NALF1: variants seen among roughly 807,000 people sequenced by gnomAD.
NALF1 encodes NALCN channel auxiliary factor 1.
Under a neutral mutation model 48.4 loss-of-function variants are expected in NALF1, and 3 were observed. The ratio of observed to expected loss-of-function variants is 0.06; its 90% CI spans 0.03 to 0.16. The LOEUF is 0.16. Among genes scored for constraint, NALF1 ranks in the 10% least tolerant of loss-of-function variants. The probability of loss-of-function intolerance (pLI) is 1.00; values close to 1 mark genes in which losing one functional copy is unlikely to be tolerated. For missense variants in NALF1, 526 were observed against 571.5 expected (o/e 0.92, Z 0.81); for synonymous variants, 262 against 245.7 (o/e 1.07, Z -0.62).
chr13:107,653,483 A>AT (rs5806674), intron 1 of NALF1, among the ~76,000 whole-genome samples: 2 of 151,108 alleles, frequency 1.3e-5, no homozygotes, highest in African/African-American at 4.8e-5. Flanking sequence ...GCAGAGAGGT[A>AT]TTTTTTTTTT....
intron 1 of NALF1, among the ~76,000 whole-genome samples, chr13:107,257,920 A>C (rs1009007741): frequency 6.6e-6 from 1 of 152,232 alleles, no homozygotes; most frequent in Non-Finnish European, 1.5e-5. Flanking sequence ...CTTCGCTAGA[A>C]GTATTTAGCA....
intron 1 of NALF1, among the ~76,000 whole-genome samples, chr13:107,544,499 T>A (rs1000111305): frequency 6.6e-6 from 1 of 152,162 alleles, no homozygotes; most frequent in African/African-American, 2.4e-5. Context: ...AATAGAAGCA[T>A]GAGCAATTTC....
intron 1 of NALF1, among the ~76,000 whole-genome samples, chr13:107,774,468 T>C (rs534720401): frequency 6.6e-6 from 1 of 152,340 alleles, no homozygotes; most frequent in East Asian, 1.9e-4. Context: ...AGATAGTATA[T>C]GTTCCGTTAT....
At position 107,272,247 on chromosome 13, in the gene NALF1, G is replaced by A. The variant is rs1162476745; in HGVS notation, c.916-61492C>T. Among the ~76,000 whole-genome samples, 10 of 10,320 alleles carry A rather than the reference G, an allele frequency of 9.7e-4. 4 individuals are homozygous for A. The highest frequency in any genetic ancestry group is 7.1e-3 in the East Asian group (2 of 282). The allele number at this position is 10,320 out of a possible 152,430, so 6.8% of individuals were successfully genotyped here. On this transcript the variant is annotated intron_variant, in intron 1 of 2. Coordinates refer to ENST00000375915, the MANE Select transcript of NALF1 (RefSeq NM_001080396.3). ...TTTTGAGACGGAGTCTCGCTCTGTC[G>A]CCCAGGCCGGACTGCGGACTGCAGT... is the stretch of plus-strand genomic sequence containing the variant.
intron 1 of NALF1, among the ~76,000 whole-genome samples, chr13:107,273,540 G>T (rs566689118): frequency 6.6e-6 from 1 of 152,256 alleles, no homozygotes; most frequent in East Asian, 1.9e-4. Context: ...AATGGCCCAG[G>T]ATTATTGGAA....
intron 2 of NALF1, among the ~76,000 whole-genome samples, chr13:107,178,838 G>A (rs901963768): frequency 6.6e-6 from 1 of 151,980 alleles, no homozygotes; most frequent in Admixed American, 6.6e-5. Context: ...GCAGCTACTC[G>A]GGAGGCTGAG....
chr13:107,296,148 T>C (rs541792628), intron 1 of NALF1, among the ~76,000 whole-genome samples: 3 of 152,314 alleles, frequency 2.0e-5, no homozygotes, highest in African/African-American at 7.2e-5. Context: ...TATAGAAAAA[T>C]TACACAATAT....
chr13:107,703,873 C>T (rs1881884442), intron 1 of NALF1, among the ~76,000 whole-genome samples: 1 of 152,148 alleles, frequency 6.6e-6, no homozygotes, highest in East Asian at 1.9e-4. Flanking sequence ...TTTGGTATCA[C>T]ATAGCATCTG....
intron 1 of NALF1, among the ~76,000 whole-genome samples, chr13:107,386,232 T>C (rs571978741): frequency 2.0e-3 from 302 of 152,330 alleles, no homozygotes; most frequent in African/African-American, 6.8e-3. Flanking sequence ...TCTTTTCCTA[T>C]AAGTTACATT....
At chr13:107,783,178 C>T (rs1223476232) in intron 1 of NALF1, among the ~76,000 whole-genome samples, 1 of 128,168 alleles carries the variant, frequency 7.8e-6, no homozygotes. Flanking sequence ...GCCGCCCCGT[C>T]CGGGAGGGAG....
intron 1 of NALF1, among the ~76,000 whole-genome samples, chr13:107,297,669 G>A (rs147367013): frequency 1.2e-4 from 18 of 152,300 alleles, no homozygotes; most frequent in African/African-American, 3.6e-4. Context: ...GGCCTAGCCC[G>A]ATAGATATAA....
rs185928272 is a variant in NALF1, at chr13:107,479,138, G to C, written c.916-268383C>G. ...CCCTTAAAGTCAGTCCATTAAACCA[G>C]ATGAGAGGCAGCTGCTGCATGTTCT... On this transcript the variant is annotated intron_variant, in intron 1 of 2. Coordinates refer to ENST00000375915, the MANE Select transcript of NALF1 (RefSeq NM_001080396.3). 5.5e-4 allele frequency among the ~76,000 whole-genome samples: 84 copies of C among 152,218 alleles called. 1 individual carries two copies. In the Middle Eastern group the frequency reaches 0.014, roughly 25 times the overall value.
intron 1 of NALF1, among the ~76,000 whole-genome samples, chr13:107,732,474 C>T (rs6492072): frequency 0.83 from 126,643 of 152,076 alleles, 53,187 homozygotes; most frequent in Non-Finnish European, 0.9. Context: ...AGTCTAAGGA[C>T]AGCCATGCTG....
chr13:107,714,088 C>G (rs1875678143), intron 1 of NALF1, among the ~76,000 whole-genome samples: 1 of 152,198 alleles, frequency 6.6e-6, no homozygotes, highest in Non-Finnish European at 1.5e-5. Flanking sequence ...TTTCAGTTGA[C>G]TTCACCATAT....
intron 1 of NALF1, among the ~76,000 whole-genome samples, chr13:107,741,572 G>C (rs1356885598): frequency 6.6e-6 from 1 of 152,016 alleles, no homozygotes; most frequent in Non-Finnish European, 1.5e-5. Flanking sequence ...GAAATATCTT[G>C]CAATAATACA....
At chr13:107,852,211 G>A (rs926114197) in intron 1 of NALF1, among the ~76,000 whole-genome samples, 1 of 152,002 alleles carries the variant, frequency 6.6e-6, no homozygotes, top group African/African-American at 2.4e-5. Flanking sequence ...TAAGCATCGT[G>A]TTTATATATA....
At chr13:107,644,642 C>CATATATATATATATATATAT (rs371201609) in intron 1 of NALF1, among the ~76,000 whole-genome samples, 2,724 of 90,886 alleles carry the variant, frequency 0.03, 141 homozygotes, top group East Asian at 0.049. Flanking sequence ...TACATACATA[C>CATATATATATATATATATAT]ATACATATAT....
At chr13:107,195,267 A>G (rs1455678886) in intron 2 of NALF1, among the ~76,000 whole-genome samples, 3 of 152,078 alleles carry the variant, frequency 2.0e-5, no homozygotes, top group African/African-American at 7.2e-5. Context: ...GTACCCTAAA[A>G]CTATTAAGAT....
chr13:107,788,204 C>T (rs1878128601), intron 1 of NALF1: 1 of 152,256 alleles, frequency 6.6e-6, no homozygotes, highest in South Asian at 2.1e-4. Context: ...AGCTTATCCT[C>T]CTTGTTTTTC....
Sources: gnomAD v4.1 joint callset for allele counts (sites outside exome capture counted in the v4.1 genomes callset) on GRCh38, gnomAD v4.1.1 for gene constraint, MANE v1.5 for transcripts, NCBI Gene and HGNC (gene_info 2026-07-23, HGNC 2026-07-21) for gene names.